Variants in KIFC3 observed in about 807,000 individuals in gnomAD.
The protein encoded by KIFC3 is kinesin family member C3.
In KIFC3, 60 loss-of-function variants were observed where a neutral mutation model predicts 101.8. The observed-to-expected ratio is 0.59, with a 90% CI of 0.48 to 0.73. The LOEUF (loss-of-function observed/expected upper bound fraction) is 0.73, where lower values mean the gene tolerates loss of function less well. KIFC3 is among the 30% of genes least tolerant of loss of function. The pLI is 0.00. For missense variants in KIFC3, 966 were observed against 1,137.1 expected, an observed-to-expected ratio of 0.85 and a Z score of 2.16; for synonymous variants, 476 against 482.7, an observed-to-expected ratio of 0.99 and a Z score of 0.18.
At chr16:57,845,009 G>A (rs2055889150) in intron 1 of KIFC3, among the ~76,000 whole-genome samples, 2 of 152,074 alleles carry the variant, frequency 1.3e-5, no homozygotes, top group Non-Finnish European at 2.9e-5. Flanking sequence ...CAGCCCATAT[G>A]GTCTTGAGAA....
upstream of KIFC3, chr16:57,803,038 C>G (rs1356491007): frequency 6.5e-7 from 1 of 1,535,846 alleles, no homozygotes; most frequent in African/African-American, 1.4e-5. Context: ...ACAGCGCACA[C>G]GCTCTCACTC....
chr16:57,822,421 G>C (rs1200651865), intron 1 of KIFC3, among the ~76,000 whole-genome samples: 2 of 152,164 alleles, frequency 1.3e-5, no homozygotes, highest in African/African-American at 4.8e-5. Flanking sequence ...TGCCAATGTG[G>C]CTGGGCGCGG....
At chr16:57,764,496 T>A (rs767893195) in intron 11 of KIFC3, 209 of 509,856 alleles carry the variant, frequency 4.1e-4, no homozygotes, top group Non-Finnish European at 6.0e-4. Context: ...CAGCTCCTCC[T>A]GCTCTCTCTC....
intron 1 of KIFC3, among the ~76,000 whole-genome samples, chr16:57,817,274 G>A (rs149658143): frequency 0.027 from 4,029 of 151,860 alleles, 74 homozygotes; most frequent in South Asian, 0.03. Flanking sequence ...CAGGAGAATC[G>A]TTTGAACCCA....
chr16:57,827,328 C>T (rs782770432), intron 1 of KIFC3, among the ~76,000 whole-genome samples: 4 of 152,242 alleles, frequency 2.6e-5, no homozygotes, highest in Admixed American at 6.5e-5. Context: ...ACGTCCAAGG[C>T]CACTGCCGGC....
Position 57,764,267 on chromosome 16 carries a change from GAGGC to G in KIFC3, c.1513-24_1513-21del. 5.6e-6 allele frequency: 6 copies of G among 1,073,328 alleles called. No homozygotes were observed. Among genetic ancestry groups the G allele is most frequent in the African/African-American group, 1.6e-5 (1 of 63,426 alleles). 66.5% of individuals were successfully genotyped at this position (1,073,328 alleles called of 1,614,324 possible). On this transcript the variant is annotated intron_variant, in intron 11 of 19. Transcript: ENST00000445690. ...GAACACCTGGGAGGGTGGTGGGAGG[GAGGC>G]TGGTGGGGGGGCTTCCAGGGCCGCT...
intron 13 of KIFC3, 28 bp from the exon 14 acceptor site, chr16:57,761,564 C>T (rs781994602): frequency 1.9e-6 from 3 of 1,606,092 alleles, no homozygotes; most frequent in South Asian, 1.1e-5. Flanking sequence ...ACAGTCACCC[C>T]CTCCTCCCAT....
At chr16:57,814,215 A>G (rs2055163374) in intron 1 of KIFC3, among the ~76,000 whole-genome samples, 1 of 151,902 alleles carries the variant, frequency 6.6e-6, no homozygotes, top group Non-Finnish European at 1.5e-5. Flanking sequence ...CCACACCCCC[A>G]TATCCCCACC....
At chr16:57,825,498 G>C (rs1023240545) in intron 1 of KIFC3, among the ~76,000 whole-genome samples, 40 of 152,144 alleles carry the variant, frequency 2.6e-4, no homozygotes, top group Non-Finnish European at 4.4e-5. Flanking sequence ...GCCACTGTGG[G>C]GCCAGCTGTG....
chr16:57,759,651 A>G, intron 18 of KIFC3, 77 bp downstream of exon 18: 1 of 1,076,640 alleles, frequency 9.3e-7, no homozygotes, highest in East Asian at 2.6e-5. Flanking sequence ...GAAAAGAGAA[A>G]GCCCATCCAG....
intron 1 of KIFC3, among the ~76,000 whole-genome samples, chr16:57,831,844 C>T (rs543035948): frequency 3.9e-5 from 6 of 152,114 alleles, no homozygotes; most frequent in Non-Finnish European, 8.8e-5. Flanking sequence ...CCTGGGAACC[C>T]TGATCAGTTT....
intron 3 of KIFC3, among the ~76,000 whole-genome samples, chr16:57,790,279 G>A (rs1353166534): frequency 6.8e-6 from 1 of 146,156 alleles, no homozygotes; most frequent in Middle Eastern, 3.7e-3. Flanking sequence ...ATGGGGTTTT[G>A]CCATGTTTCC....
chr16:57,857,508 T>A (rs2056196415), intron 1 of KIFC3, among the ~76,000 whole-genome samples: 1 of 151,960 alleles, frequency 6.6e-6, no homozygotes, highest in Admixed American at 6.6e-5. Context: ...CAACCCGTCA[T>A]CTCCATTAGG....
At chr16:57,775,434 G>C (rs1470824519) in intron 3 of KIFC3, 1 of 1,017,936 alleles carries the variant, frequency 9.8e-7, no homozygotes, top group African/African-American at 1.7e-5. Flanking sequence ...GCTAGGTCTC[G>C]GGCTTGTAGG....
At chr16:57,790,953 G>T in intron 3 of KIFC3, 3 of 984,988 alleles carry the variant, frequency 3.0e-6, no homozygotes, top group Non-Finnish European at 3.6e-6. Flanking sequence ...GAATATTCCT[G>T]CTGGGCGCAG....
chr16:57,788,720 A>G (rs1340139041), intron 3 of KIFC3: 4 of 1,289,434 alleles, frequency 3.1e-6, no homozygotes, highest in Admixed American at 4.6e-5. Context: ...CCTGCTGCCA[A>G]GACACAACCA....
chr16:57,858,106 G>A (rs1265475420), intron 1 of KIFC3, among the ~76,000 whole-genome samples: 7 of 152,034 alleles, frequency 4.6e-5, no homozygotes, highest in South Asian at 2.1e-4. Context: ...GTGAGCCACC[G>A]CGCCTGGCCC....
rs1555598594 is a variant in KIFC3, at chr16:57,762,197, G to A, written c.1691C>T (p.Ser564Phe). The A allele has an allele frequency of 1.9e-6, 3 of 1,611,246 alleles. No individual in the cohort carries two copies. ...GACGGTGATGGTGTACTCCCAGTCA[G>A]ACGCCTTCTCCTGCACCTCGGAGAA... ...LLFSEVQEKA[S>F]DWEYTITVSA... The change falls in exon 13 of 20, where the codon TCT becomes TTT. Residue 564 changes from serine to phenylalanine, a missense_variant. Ser to Phe is a radical substitution (Grantham distance 155, BLOSUM62 -2). Around this residue, in one of 2 missense-constraint regions of KIFC3, gnomAD observed 689 missense variants for 884.6 expected, o/e 0.78. Coordinates refer to ENST00000445690, the MANE Select transcript of KIFC3 (RefSeq NM_001130100.2).
chr16:57,831,786 C>T (rs552518086), intron 1 of KIFC3, among the ~76,000 whole-genome samples: 4 of 152,336 alleles, frequency 2.6e-5, no homozygotes, highest in South Asian at 2.1e-4. Context: ...AGGGCCTAGA[C>T]TTTCCTTGGG....
Sources: gnomAD v4.1 joint callset for allele counts (sites outside exome capture counted in the v4.1 genomes callset) on GRCh38, gnomAD v4.1.1 for gene constraint, gnomAD v4.1.1 regional missense constraint, MANE v1.5 for transcripts, NCBI Gene and HGNC (gene_info 2026-07-23, HGNC 2026-07-21) for gene names.